SLIT3: variants seen among roughly 807,000 people sequenced by gnomAD.
SLIT3 encodes slit guidance ligand 3.
In SLIT3, 68 loss-of-function variants were observed where a neutral mutation model predicts 184.0. That is an observed-to-expected ratio of 0.37 (90% CI 0.30 to 0.45). The LOEUF is 0.45. SLIT3 is among the 20% of genes least tolerant of loss of function. The pLI, the probability that SLIT3 is intolerant of heterozygous loss-of-function variation, is 1.00. For synonymous variants in SLIT3, 831 were observed against 828.6 expected (o/e 1.00, Z -0.05); for missense variants, 1,707 against 2,026.0 (o/e 0.84, Z 3.02).
chr5:169,119,025 G>A (rs143491861), intron 4 of SLIT3, among the ~76,000 whole-genome samples: 1 of 152,134 alleles, frequency 6.6e-6, no homozygotes, highest in Non-Finnish European at 1.5e-5. Context: ...TTTTCCCAAA[G>A]TCCCACGACC....
At chr5:169,240,877 CT>C (rs199600846) in intron 3 of SLIT3, among the ~76,000 whole-genome samples, 19,217 of 139,370 alleles carry the variant, frequency 0.14, 1,336 homozygotes, top group East Asian at 0.28. Flanking sequence ...AATTTTTTGG[CT>C]TTTTTTTTTT....
intron 4 of SLIT3, among the ~76,000 whole-genome samples, chr5:168,889,718 T>C (rs558340799): frequency 7.9e-5 from 12 of 152,330 alleles, no homozygotes; most frequent in African/African-American, 2.9e-4. Flanking sequence ...TCCACTATGG[T>C]TGAAGTTGAG....
At chr5:169,170,562 T>TG (rs1762783941) in intron 4 of SLIT3, among the ~76,000 whole-genome samples, 1 of 152,094 alleles carries the variant, frequency 6.6e-6, no homozygotes, top group African/African-American at 2.4e-5. Flanking sequence ...CTGATGGGAA[T>TG]GGAAGCAAGC....
intron 6 of SLIT3, among the ~76,000 whole-genome samples, chr5:168,841,416 G>A (rs1758244409): frequency 6.6e-6 from 1 of 152,168 alleles, no homozygotes; most frequent in South Asian, 2.1e-4. Flanking sequence ...TGGCATGGAA[G>A]GAATGAGAAG....
intron 4 of SLIT3, among the ~76,000 whole-genome samples, chr5:168,980,685 A>G (rs1754917694): frequency 6.6e-6 from 1 of 152,232 alleles, no homozygotes; most frequent in Non-Finnish European, 1.5e-5. Context: ...AGAAATACTT[A>G]TGAAGGCAGA....
At chr5:168,823,659 C>T (rs2113670465) in intron 6 of SLIT3, among the ~76,000 whole-genome samples, 1 of 152,310 alleles carries the variant, frequency 6.6e-6, no homozygotes, top group Admixed American at 6.5e-5. Flanking sequence ...TCTACAATGC[C>T]AGTTACCTAT....
At chr5:168,821,750 C>G (rs563956301) in intron 7 of SLIT3, among the ~76,000 whole-genome samples, 1 of 152,274 alleles carries the variant, frequency 6.6e-6, no homozygotes, top group South Asian at 2.1e-4. Context: ...ACTTCATTCT[C>G]ACAGCAACTT....
At chr5:168,896,157 T>A in intron 4 of SLIT3, among the ~76,000 whole-genome samples, 1 of 152,158 alleles carries the variant, frequency 6.6e-6, no homozygotes, top group Non-Finnish European at 1.5e-5. Context: ...CTAGAAGTCG[T>A]GCCTATGGCC....
At chr5:168,673,043 C>A (rs888290866) in intron 33 of SLIT3, 134 bp downstream of exon 33, 3 of 817,804 alleles carry the variant, frequency 3.7e-6, no homozygotes, top group Non-Finnish European at 6.0e-6. Context: ...TGCTTATTCA[C>A]CTTTTAGAGA....
rs148784596 is a variant in SLIT3, at chr5:169,054,103, A to C, written c.413+139376T>G. ...GAGACTCTCTCTCAAGAAAAGAAAA[A>C]AAAATAGGGTCTATGCAGATGAAGT... is the stretch of plus-strand genomic sequence containing the variant. On this transcript the variant is annotated intron_variant, in intron 4 of 35. Coordinates refer to ENST00000519560, the MANE Select transcript of SLIT3 (RefSeq NM_003062.4). Among the ~76,000 whole-genome samples the C allele has an allele frequency of 2.5e-3, 375 of 152,146 alleles. 2 individuals carry two copies. Among genetic ancestry groups the C allele is most frequent in the South Asian group, 0.014 (67 of 4,814 alleles).
At chr5:168,780,655 C>T (rs969697139) in intron 12 of SLIT3, among the ~76,000 whole-genome samples, 1 of 152,148 alleles carries the variant, frequency 6.6e-6, no homozygotes, top group East Asian at 1.9e-4. Context: ...TATTCTGTAC[C>T]CCTAATTAAG....
chr5:168,777,094 CA>C (rs1334430661), intron 12 of SLIT3, among the ~76,000 whole-genome samples: 1 of 80,120 alleles, frequency 1.2e-5, no homozygotes, highest in African/African-American at 9.6e-5. Context: ...CACACACACA[CA>C]CACACACACA....
chr5:168,753,608 A>AT (rs1315207448), intron 17 of SLIT3, among the ~76,000 whole-genome samples: 1 of 152,122 alleles, frequency 6.6e-6, no homozygotes, highest in Non-Finnish European at 1.5e-5. Context: ...ATATACGTGT[A>AT]TACACGAGAG....
intron 11 of SLIT3, among the ~76,000 whole-genome samples, chr5:168,787,599 G>T (rs1178485957): frequency 6.6e-6 from 1 of 152,026 alleles, no homozygotes; most frequent in Non-Finnish European, 1.5e-5. Flanking sequence ...TTATCTTTAT[G>T]TCACATTATG....
intron 4 of SLIT3, among the ~76,000 whole-genome samples, chr5:169,159,923 G>A (rs923732071): frequency 2.0e-5 from 3 of 152,148 alleles, no homozygotes; most frequent in African/African-American, 7.2e-5. Context: ...CTTAGAAAAT[G>A]TATATAATGG....
At chr5:168,880,403 C>G (rs1421475084) in intron 5 of SLIT3, among the ~76,000 whole-genome samples, 1 of 152,230 alleles carries the variant, frequency 6.6e-6, no homozygotes, top group Non-Finnish European at 1.5e-5. Context: ...CAGATCCCTC[C>G]ACTCCCATGA....
At chr5:169,045,327 C>T (rs1341278872) in intron 4 of SLIT3, among the ~76,000 whole-genome samples, 1 of 151,688 alleles carries the variant, frequency 6.6e-6, no homozygotes, top group Non-Finnish European at 1.5e-5. Context: ...GGCTTTCCCT[C>T]ACACCTAGGA....
chr5:169,210,000 T>C (rs1417484333), intron 3 of SLIT3, among the ~76,000 whole-genome samples: 2 of 152,102 alleles, frequency 1.3e-5, no homozygotes, highest in Admixed American at 6.5e-5. Flanking sequence ...CATCATACTC[T>C]GAGATACAAA....
At chr5:169,294,944 A>AT (rs1265168278) in intron 1 of SLIT3, among the ~76,000 whole-genome samples, 2 of 152,230 alleles carry the variant, frequency 1.3e-5, no homozygotes, top group African/African-American at 4.8e-5. Context: ...GGTATGAAAG[A>AT]TAAAAAATGG....
Sources: gnomAD v4.1 joint callset for allele counts (sites outside exome capture counted in the v4.1 genomes callset) on GRCh38, gnomAD v4.1.1 for gene constraint, MANE v1.5 for transcripts, NCBI Gene and HGNC (gene_info 2026-07-23, HGNC 2026-07-21) for gene names.